The following SEC63 variants were observed in gnomAD, a reference collection of about 807,000 sequenced individuals.
SEC63 encodes the protein SEC63 protein translocation regulator, also known as translocation protein SEC63 homolog.
In SEC63, 56 loss-of-function variants were observed where a neutral mutation model predicts 116.2. The observed-to-expected ratio is 0.48, with a 90% confidence interval of 0.39 to 0.60. The LOEUF (loss-of-function observed/expected upper bound fraction) is 0.60. Ranked by LOEUF, SEC63 falls within the 20% of genes least tolerant of loss-of-function variation. SEC63 has a pLI of 0.00. For synonymous variants in SEC63, 273 were observed against 294.6 expected, an observed-to-expected ratio of 0.93 and a Z score of 0.75; for missense variants, 668 against 900.0, an observed-to-expected ratio of 0.74 and a Z score of 3.30.
At chr6:107,939,940 T>G (rs1268867796) in intron 1 of SEC63, among the ~76,000 whole-genome samples, 2 of 152,158 alleles carry the variant, frequency 1.3e-5, no homozygotes, top group South Asian at 2.1e-4. Flanking sequence ...GCTCTTAACT[T>G]GAATCTGAAT....
At chr6:107,939,902 A>G (rs973640225) in intron 1 of SEC63, among the ~76,000 whole-genome samples, 40 of 152,336 alleles carry the variant, frequency 2.6e-4, no homozygotes, top group African/African-American at 9.6e-4. Context: ...ACCAAAAATA[A>G]AAGTCATCCA....
chr6:107,920,344 T>A (rs1787525064), intron 4 of SEC63, among the ~76,000 whole-genome samples: 1 of 137,068 alleles, frequency 7.3e-6, no homozygotes, highest in Non-Finnish European at 1.5e-5. Context: ...GAGAATGGCA[T>A]GAACCTGGGA....
In SEC63 at chr6:107,897,667, C is replaced by A; in HGVS notation, c.1422G>T (p.Leu474Phe). 1 of 1,605,756 alleles carries A rather than the reference C, an allele frequency of 6.2e-7. No homozygotes were observed. Among genetic ancestry groups the A allele is most frequent in the Non-Finnish European group, 8.5e-7 (1 of 1,172,620 alleles). Residue 474 changes from leucine (L) to phenylalanine (F), a missense_variant, in exon 14 of 21, where the codon TTG becomes TTT. Around this residue, in one of 5 missense-constraint regions of SEC63, gnomAD observed 430 missense variants for 557.5 expected, o/e 0.77. Coordinates refer to ENST00000369002, the MANE Select transcript of SEC63 (RefSeq NM_007214.5). Reference sequence around the variant, plus strand: ...TACTTACAGCCATTGTTTGCCTTGTCAACTTAACCAACACTGTAACTAAGG... The same window carrying A: ...TACTTACAGCCATTGTTTGCCTTGTAAACTTAACCAACACTGTAACTAAGG... ...VGSLVTVLVK[L>F]TRQTMAEVFE... is the part of the protein sequence containing the mutation.
chr6:107,947,234 T>C (rs1310517452), intron 1 of SEC63, among the ~76,000 whole-genome samples: 2 of 151,964 alleles, frequency 1.3e-5, no homozygotes, highest in Admixed American at 1.3e-4. Context: ...GAGGCAGAGG[T>C]TGCAGTGAGC....
intron 4 of SEC63, among the ~76,000 whole-genome samples, chr6:107,920,113 A>T (rs1787519281): frequency 6.6e-6 from 1 of 151,998 alleles, no homozygotes; most frequent in Non-Finnish European, 1.5e-5. Flanking sequence ...AAATTAAGGT[A>T]TGTACATTGT....
At chr6:107,906,816 C>T (rs768867220) in intron 8 of SEC63, 39 bp from the exon 9 acceptor site, 3 of 1,435,532 alleles carry the variant, frequency 2.1e-6, no homozygotes, top group Non-Finnish European at 9.8e-7. Flanking sequence ...AATAAATATG[C>T]TCATTCATTA....
intron 1 of SEC63, among the ~76,000 whole-genome samples, chr6:107,931,014 T>C (rs1441629936): frequency 6.6e-6 from 1 of 150,724 alleles, no homozygotes; most frequent in Non-Finnish European, 1.5e-5. Flanking sequence ...AACTTAAGTT[T>C]ACATAAGAGT....
At chr6:107,945,698 G>A (rs1406228871) in intron 1 of SEC63, among the ~76,000 whole-genome samples, 1 of 151,934 alleles carries the variant, frequency 6.6e-6, no homozygotes, top group Non-Finnish European at 1.5e-5. Flanking sequence ...AATAAAGTCT[G>A]GTAATAATAG....
rs979298243 is a variant in SEC63 at position 107,871,534 on chromosome 6, T to G, written c.*170A>C. 1.4e-6 allele frequency: 1 copy of G among 695,494 alleles called. No homozygotes were observed. The highest frequency in any genetic ancestry group is 1.8e-5 in the African/African-American group (1 of 56,388). 43.1% of individuals were successfully genotyped at this position (695,494 alleles called of 1,614,324 possible). On this transcript the variant is annotated 3_prime_UTR_variant, in exon 21 of 21. Transcript: ENST00000369002. ...TCAATAAGCCTTAACATTTTTCAGG[T>G]TGTACCAAGGCACCGCCACTGCCTA...
chr6:107,876,721 G>T (rs1237515577), intron 18 of SEC63, 59 bp from the exon 19 acceptor site: 9 of 1,163,098 alleles, frequency 7.7e-6, no homozygotes, highest in African/African-American at 1.6e-5. Context: ...GAAAGAACTA[G>T]AAAGAATATA....
intron 10 of SEC63, among the ~76,000 whole-genome samples, chr6:107,905,686 A>G (rs1039967242): frequency 4.6e-5 from 7 of 152,120 alleles, no homozygotes; most frequent in Admixed American, 1.3e-4. Flanking sequence ...GTAGATGGGG[A>G]GGTGAGAGGT....
intron 1 of SEC63, among the ~76,000 whole-genome samples, chr6:107,943,368 G>C (rs1274039846): frequency 6.6e-6 from 1 of 152,202 alleles, no homozygotes; most frequent in Non-Finnish European, 1.5e-5. Flanking sequence ...GGTAGCAAAT[G>C]ATAAAGCTGA....
At chr6:107,951,886 T>C (rs1484994114) in intron 1 of SEC63, among the ~76,000 whole-genome samples, 1 of 148,890 alleles carries the variant, frequency 6.7e-6, no homozygotes, top group Non-Finnish European at 1.5e-5. Flanking sequence ...GGCAGGAGAA[T>C]GGGGTGAACC....
intron 4 of SEC63, among the ~76,000 whole-genome samples, chr6:107,920,828 G>C (rs532655018): frequency 4.1e-4 from 62 of 152,220 alleles, no homozygotes; most frequent in African/African-American, 1.4e-3. Context: ...TTCCCAAAAG[G>C]GTGCACAAAT....
chr6:107,913,463 G>A, intron 4 of SEC63, 36 bp from the exon 5 acceptor site: 1 of 1,500,492 alleles, frequency 6.7e-7, no homozygotes, highest in Non-Finnish European at 9.3e-7. Flanking sequence ...AAATTAGAAA[G>A]CCACATCTGA....
chr6:107,958,182 C>G lies in SEC63; in HGVS notation c.-173G>C. 2.1e-6 allele frequency: 2 copies of G among 938,170 alleles called. No individual in the cohort carries two copies. Among genetic ancestry groups the G allele is most frequent in the Non-Finnish European group, 3.2e-6 (2 of 621,176 alleles). 58.1% of individuals were successfully genotyped at this position (938,170 alleles called of 1,614,324 possible). On this transcript the variant is annotated 5_prime_UTR_variant, in exon 1 of 21. Coordinates refer to ENST00000369002, the MANE Select transcript of SEC63 (RefSeq NM_007214.5). ...ACGCCGCCGCCACCTCTGCCGCTGC[C>G]GCCGCCGTCGCCAGCTCTCGCGAGA...
chr6:107,876,742 CTCTTA>C (rs1583720831), intron 18 of SEC63, 80 bp from the exon 19 acceptor site: 1 of 951,016 alleles, frequency 1.1e-6, no homozygotes, highest in African/African-American at 1.7e-5. Flanking sequence ...ATTTTGGCCT[CTCTTA>C]TCTTAGAGAT....
chr6:107,883,293 C>G (rs1786454588), intron 16 of SEC63, 147 bp from the exon 17 acceptor site: 1 of 901,252 alleles, frequency 1.1e-6, no homozygotes, highest in Non-Finnish European at 1.7e-6. Context: ...AAATTATAAA[C>G]ATTCCTACTT....
chr6:107,936,720 A>T (rs199813475), intron 1 of SEC63, among the ~76,000 whole-genome samples: 1 of 152,186 alleles, frequency 6.6e-6, no homozygotes, highest in African/African-American at 2.4e-5. Flanking sequence ...CTTTGCTAAA[A>T]CAGTCACTCT....
Sources: allele counts gnomAD v4.1 joint callset (sites outside exome capture counted in the v4.1 genomes callset), GRCh38; gene constraint gnomAD v4.1.1; regional missense constraint gnomAD v4.1.1; transcripts MANE v1.5; gene names NCBI Gene and HGNC (gene_info 2026-07-23, HGNC 2026-07-21).